DENND3: variants seen among roughly 807,000 people sequenced by gnomAD.
DENND3 encodes the protein DENN domain containing 3, also known as DENN domain-containing protein 3.
In DENND3, 88 loss-of-function variants were observed where a neutral mutation model predicts 135.1. The observed-to-expected ratio is 0.65, with a 90% confidence interval of 0.55 to 0.78. The LOEUF (loss-of-function observed/expected upper bound fraction) is 0.78, where lower values mean the gene tolerates loss of function less well. Ranked by LOEUF, DENND3 falls within the 30% of genes least tolerant of loss-of-function variation. The pLI, the probability that DENND3 is intolerant of heterozygous loss-of-function variation, is 0.00. For missense variants in DENND3, 1,392 were observed against 1,688.4 expected (o/e 0.82, Z 3.08); for synonymous variants, 693 against 712.3 (o/e 0.97, Z 0.43).
chr8:141,189,355 G>C (rs189766013), intron 19 of DENND3, among the ~76,000 whole-genome samples: 1 of 152,256 alleles, frequency 6.6e-6, no homozygotes, highest in Non-Finnish European at 1.5e-5. Flanking sequence ...TGGGCCAAGC[G>C]TGGTGATGAA....
chr8:141,177,132 G>T, intron 15 of DENND3: 1 of 203,550 alleles, frequency 4.9e-6, no homozygotes. Flanking sequence ...TCCCTGCTCT[G>T]AGCGACTCTT....
Position 141,166,540 on chromosome 8 carries a change from G to T in DENND3, c.1753+151G>T. On this transcript the variant is annotated intron_variant, in intron 12 of 22. Transcript: ENST00000519811. This position sits in a 1 kb window ranked among gnomAD's most constrained non-coding sequence, Gnocchi z 4.3. ...TTGAAATGTTTAGAATATTCATTTT[G>T]CCAAGGTATGCCTTCTAGAAAATTA... 1.1e-6 allele frequency: 1 copy of T among 876,662 alleles called. No homozygotes were observed. Among genetic ancestry groups the T allele is most frequent in the Non-Finnish European group, 1.7e-6 (1 of 589,966 alleles). The allele number at this position is 876,662 out of a possible 1,614,324, so 54.3% of individuals were successfully genotyped here.
Position 141,172,917 on chromosome 8 carries a change from T to A in DENND3, c.2276-2283T>A, listed in dbSNP as rs530492649. ...CAGAGCAAGACCCTGTCTCTAAATT[T>A]AAAAAAAAAAAAAGAAAGAAATACA... On this transcript the variant is annotated intron_variant, in intron 13 of 22. Coordinates refer to ENST00000519811, the MANE Select transcript of DENND3 (RefSeq NM_001352890.3). 6.3e-3 allele frequency among the ~76,000 whole-genome samples: 793 copies of A among 126,274 alleles called. 11 individuals carry two copies. In the South Asian group the frequency reaches 0.072, roughly 11 times the overall value. 82.8% of individuals were successfully genotyped at this position (126,274 alleles called of 152,430 possible).
intron 10 of DENND3, among the ~76,000 whole-genome samples, chr8:141,163,673 C>T (rs1241095106): frequency 6.6e-6 from 1 of 151,768 alleles, no homozygotes; most frequent in Admixed American, 6.6e-5. Context: ...TTTGGGAGGC[C>T]GAGGCGGGCA....
intron 2 of DENND3, among the ~76,000 whole-genome samples, 181 bp downstream of exon 2, chr8:141,136,972 T>G (rs557320595): frequency 6.6e-6 from 1 of 152,042 alleles, no homozygotes; most frequent in Non-Finnish European, 1.5e-5. Context: ...TTTTTTATAT[T>G]TATTTATTTA....
In DENND3 at chr8:141,170,813, G is replaced by A. The variant is rs61995879; in HGVS notation, c.2275+2288G>A. ...TGGAGGCTCCTCCGTGTCATCTAGCGCCAGCTCCTTCTGTCACTCCTCTGT... is the reference window on the plus strand; with the variant it reads ...TGGAGGCTCCTCCGTGTCATCTAGCACCAGCTCCTTCTGTCACTCCTCTGT... On this transcript the variant is annotated intron_variant, in intron 13 of 22. Transcript: ENST00000519811. 5.9e-3 allele frequency among the ~76,000 whole-genome samples: 900 copies of A among 152,308 alleles called. 7 individuals carry two copies. Among genetic ancestry groups the A allele is most frequent in the African/African-American group, 0.021 (863 of 41,574 alleles).
chr8:141,137,909 C>G lies in DENND3; in HGVS notation c.386-113C>G. 1 of 1,057,866 alleles carries G rather than the reference C, an allele frequency of 9.5e-7. No individual in the cohort carries two copies. The highest frequency in any genetic ancestry group is 1.4e-6 in the Non-Finnish European group (1 of 729,728). The allele number at this position is 1,057,866 out of a possible 1,614,324, so 65.5% of individuals were successfully genotyped here. On this transcript the variant is annotated intron_variant, in intron 2 of 22. Transcript: ENST00000519811. This position sits in a 1 kb window ranked among gnomAD's most constrained non-coding sequence, Gnocchi z 4.1. ...TGAACCCGCCTTGGACATGAAGGCA[C>G]CACCACTGCTAACTGTGGAGGTGTG...
chr8:141,178,396 C>T (rs1391177855), intron 16 of DENND3, among the ~76,000 whole-genome samples, 200 bp downstream of exon 16: 1 of 152,238 alleles, frequency 6.6e-6, no homozygotes, highest in African/African-American at 2.4e-5. Flanking sequence ...CCTTGGAGCC[C>T]CTTGCGCATC....
intron 8 of DENND3, among the ~76,000 whole-genome samples, chr8:141,159,505 G>T (rs996387780): frequency 1.1e-4 from 16 of 152,140 alleles, no homozygotes; most frequent in African/African-American, 3.9e-4. Flanking sequence ...CTAGCCCATC[G>T]CTGTGATGTG....
In DENND3 at chr8:141,192,953, C is replaced by T. The variant is rs1266312617; in HGVS notation, c.3636+290C>T. On this transcript the variant is annotated intron_variant, in intron 22 of 22. Coordinates refer to ENST00000519811, the MANE Select transcript of DENND3 (RefSeq NM_001352890.3). ...AGTTCTCGACGCTGGAGGTCCAAAA[C>T]CAAGGTGTCGGCAGAGCCGCTTCCC... 3 of 1,314,882 alleles carry T rather than the reference C, an allele frequency of 2.3e-6. No homozygotes were observed. The South Asian group carries it at 4.4e-5, about 19-fold the overall frequency. 81.5% of individuals were successfully genotyped at this position (1,314,882 alleles called of 1,614,324 possible).
intron 7 of DENND3, 49 bp from the exon 8 acceptor site, chr8:141,155,800 A>G (rs369802392): frequency 2.6e-6 from 4 of 1,543,592 alleles, no homozygotes; most frequent in Non-Finnish European, 3.5e-6. Context: ...AGGTATACAA[A>G]TTCCGAAATT....
rs1359877356 is a variant in DENND3, at chr8:141,175,710, C to G, written c.2535+251C>G. 1.9e-6 allele frequency: 1 copy of G among 537,564 alleles called. No homozygotes were observed. The highest frequency in any genetic ancestry group is 1.9e-5 in the African/African-American group (1 of 52,588). The allele number at this position is 537,564 out of a possible 1,614,324, so 33.3% of individuals were successfully genotyped here. A position where few individuals can be genotyped will look rare whatever the true frequency, so the allele number is the denominator to read the frequency against. ...TAGAATGGTAACTGATTCTCTGTCA[C>G]AGCTGACTTGCATCTGGGAGGCAGG... On this transcript the variant is annotated intron_variant, in intron 14 of 22. Transcript: ENST00000519811. This position sits in a 1 kb window ranked among gnomAD's most constrained non-coding sequence, Gnocchi z 5.4.
chr8:141,175,106 G>A lies in DENND3; in HGVS notation c.2276-94G>A. On this transcript the variant is annotated intron_variant, in intron 13 of 22. Coordinates refer to ENST00000519811, the MANE Select transcript of DENND3 (RefSeq NM_001352890.3). The surrounding 1 kb of genome is among the most constrained non-coding windows in gnomAD (Gnocchi z 5.4). ...TGGCGCCACCTGCTGCCGGGTTCCG[G>A]TAGTGTGCGGTTTCTTCAGGTCATG... 6.9e-7 allele frequency: 1 copy of A among 1,445,564 alleles called. No individual in the cohort carries two copies. The highest frequency in any genetic ancestry group is 9.3e-7 in the Non-Finnish European group (1 of 1,077,758). 89.5% of individuals were successfully genotyped at this position (1,445,564 alleles called of 1,614,324 possible).
intron 17 of DENND3, among the ~76,000 whole-genome samples, chr8:141,181,995 T>G (rs1456880911): frequency 6.6e-6 from 1 of 152,100 alleles, no homozygotes; most frequent in South Asian, 2.1e-4. Context: ...GGTTTCGCCA[T>G]GTTGCCTAGG....
Position 141,138,014 on chromosome 8 carries a change from G to A in DENND3, c.386-8G>A. Reference sequence around the variant, plus strand: ...ACAGGATTCTTCTCTGTCTCTTTCTGCCTGCAGGGGGTGTGTGCGTGGCCA... The same window carrying A: ...ACAGGATTCTTCTCTGTCTCTTTCTACCTGCAGGGGGTGTGTGCGTGGCCA... On this transcript the variant is annotated splice_region_variant and splice_polypyrimidine_tract_variant and intron_variant, in intron 2 of 22. Coordinates refer to ENST00000519811, the MANE Select transcript of DENND3 (RefSeq NM_001352890.3). The surrounding 1 kb of genome is among the most constrained non-coding windows in gnomAD (Gnocchi z 4.8). 1 of 1,586,924 alleles carries A rather than the reference G, an allele frequency of 6.3e-7. No individual in the cohort carries two copies. Among genetic ancestry groups the A allele is most frequent in the Non-Finnish European group, 8.6e-7 (1 of 1,165,090 alleles).
At chr8:141,188,036 A>ACAGCCAGGCGTGGTGG (rs1555555116) in intron 18 of DENND3, among the ~76,000 whole-genome samples, 2 of 144,196 alleles carry the variant, frequency 1.4e-5, no homozygotes, top group African/African-American at 5.2e-5. Context: ...AAACTGCCAA[A>ACAGCCAGGCGTGGTGG]CATCAGCCAG....
In DENND3 at chr8:141,158,032, T is replaced by C. The variant is rs569700201; in HGVS notation, c.1196+2062T>C. 4.2e-6 allele frequency: 5 copies of C among 1,182,378 alleles called. No homozygotes were observed. The African/African-American group carries it at 8.0e-5, about 19-fold the overall frequency. 73.2% of individuals were successfully genotyped at this position (1,182,378 alleles called of 1,614,324 possible). A position where few individuals can be genotyped will look rare whatever the true frequency, so the allele number is the denominator to read the frequency against. On this transcript the variant is annotated intron_variant, in intron 8 of 22. Coordinates refer to ENST00000519811, the MANE Select transcript of DENND3 (RefSeq NM_001352890.3). ...GCCTGGGCCTCCCAGAGTGCTCAGA[T>C]TACAGGCGTGAGCCACCGCGCCCAG...
intron 10 of DENND3, among the ~76,000 whole-genome samples, chr8:141,164,606 G>C (rs1249643015): frequency 2.0e-5 from 3 of 152,208 alleles, no homozygotes; most frequent in African/African-American, 7.2e-5. Flanking sequence ...CAGCTTCCCA[G>C]TCGTTCTTTG....
intron 1 of DENND3, among the ~76,000 whole-genome samples, chr8:141,133,083 C>G (rs1816331759): frequency 6.6e-6 from 1 of 152,140 alleles, no homozygotes; most frequent in Non-Finnish European, 1.5e-5. Context: ...CCTGGAGGAG[C>G]CTGTGGTCCT....
Sources: allele counts gnomAD v4.1 joint callset (sites outside exome capture counted in the v4.1 genomes callset), GRCh38; gene constraint gnomAD v4.1.1; non-coding constraint Gnocchi (gnomAD v3.1); transcripts MANE v1.5; gene names NCBI Gene and HGNC (gene_info 2026-07-23, HGNC 2026-07-21).